Variants in SAMMSON observed in about 807,000 individuals in gnomAD.
SAMMSON encodes the protein long intergenic non-protein coding RNA 1212.
intron 2 of SAMMSON, among the ~76,000 whole-genome samples, chr3:70,428,484 A>T (rs1701389387): frequency 6.6e-6 from 1 of 152,234 alleles, no homozygotes; most frequent in Non-Finnish European, 1.5e-5. Flanking sequence ...CAGTGGGAAA[A>T]GTGCTTTGGC....
intron 2 of SAMMSON, among the ~76,000 whole-genome samples, chr3:70,404,352 A>G (rs940641667): frequency 6.6e-6 from 1 of 152,154 alleles, no homozygotes; most frequent in African/African-American, 2.4e-5. Context: ...CCTATATAAA[A>G]CATTAATGGA....
intron 9 of SAMMSON, among the ~76,000 whole-genome samples, chr3:70,372,212 C>T (rs1702976299): frequency 6.6e-6 from 1 of 151,974 alleles, no homozygotes; most frequent in Non-Finnish European, 1.5e-5. Context: ...GCTTTTTCTG[C>T]ATCAATTGAT....
At chr3:70,120,792 A>G (rs2067429546) in intron 4 of SAMMSON, 1 of 152,264 alleles carries the variant, frequency 6.6e-6, no homozygotes, top group African/African-American at 2.4e-5. Context: ...ATGATCATAT[A>G]GAGCAGTGAT....
At chr3:70,428,413 T>C (rs1035478125) in intron 2 of SAMMSON, among the ~76,000 whole-genome samples, 1 of 152,072 alleles carries the variant, frequency 6.6e-6, no homozygotes, top group Admixed American at 6.6e-5. Context: ...AATAATAAAG[T>C]CCACAAATAC....
intron 4 of SAMMSON, among the ~76,000 whole-genome samples, chr3:70,140,743 C>T (rs1040137764): frequency 6.6e-6 from 1 of 152,168 alleles, no homozygotes; most frequent in Non-Finnish European, 1.5e-5. Context: ...CCACAAAACA[C>T]TAGAACATGA....
intron 4 of SAMMSON, among the ~76,000 whole-genome samples, chr3:70,117,556 A>G (rs923904116): frequency 1.3e-5 from 2 of 152,196 alleles, no homozygotes; most frequent in Non-Finnish European, 2.9e-5. Flanking sequence ...TTATACAGAG[A>G]TATTTATAGA....
intron 6 of SAMMSON, among the ~76,000 whole-genome samples, chr3:70,279,643 G>A (rs1575613915): frequency 6.6e-6 from 1 of 152,258 alleles, no homozygotes; most frequent in South Asian, 2.1e-4. Context: ...TACATGCTGA[G>A]TCCTATTTGC....
intron 7 of SAMMSON, among the ~76,000 whole-genome samples, chr3:70,330,453 A>G (rs900814101): frequency 6.6e-6 from 1 of 152,056 alleles, no homozygotes; most frequent in Non-Finnish European, 1.5e-5. Flanking sequence ...GTCTTTATAT[A>G]ATACCACTTA....
chr3:70,255,258 C>T (rs1015927076), intron 6 of SAMMSON, among the ~76,000 whole-genome samples: 1 of 152,092 alleles, frequency 6.6e-6, no homozygotes, highest in Admixed American at 6.6e-5. Flanking sequence ...ACCAATGACA[C>T]ATAAATTTTT....
chr3:70,013,116 A>G (rs2066965338), intron 2 of SAMMSON, among the ~76,000 whole-genome samples: 1 of 152,114 alleles, frequency 6.6e-6, no homozygotes, highest in African/African-American at 2.4e-5. Flanking sequence ...TATTTAGGTA[A>G]AACACTTGAA....
intron 3 of SAMMSON, among the ~76,000 whole-genome samples, chr3:70,034,306 G>C (rs2067077380): frequency 6.6e-6 from 1 of 152,134 alleles, no homozygotes; most frequent in Non-Finnish European, 1.5e-5. Flanking sequence ...AAGTTTGACT[G>C]TCTATAGATT....
Position 70,179,602 on chromosome 3 carries a change from T to A in SAMMSON, n.508-69505T>A, listed in dbSNP as rs969439581. ...TGCTGAAAGCCAGTAAGTTTCTTTA[T>A]GGCAGAGGTGGGTCTTAACACTAGG... On this transcript the variant is annotated intron_variant and non_coding_transcript_variant, in intron 4 of 9. Coordinates refer to ENST00000642114, the Ensembl canonical transcript of SAMMSON. 3.9e-5 allele frequency among the ~76,000 whole-genome samples: 6 copies of A among 152,214 alleles called. No homozygotes were observed. The South Asian group carries it at 1.2e-3, about 31-fold the overall frequency.
chr3:70,332,217 G>A (rs762976934), intron 7 of SAMMSON, among the ~76,000 whole-genome samples: 1 of 152,176 alleles, frequency 6.6e-6, no homozygotes, highest in Non-Finnish European at 1.5e-5. Context: ...AGGGACATGA[G>A]GACTATTACC....
At chr3:70,144,008 A>G (rs1334564896) in intron 4 of SAMMSON, among the ~76,000 whole-genome samples, 1 of 152,204 alleles carries the variant, frequency 6.6e-6, no homozygotes, top group Non-Finnish European at 1.5e-5. Context: ...TTGGATTCCT[A>G]TCAAAGTACA....
At chr3:70,129,181 G>T (rs1018470884) in intron 4 of SAMMSON, among the ~76,000 whole-genome samples, 21 of 152,092 alleles carry the variant, frequency 1.4e-4, no homozygotes, top group African/African-American at 4.6e-4. Context: ...TTTTGTAACT[G>T]ATAAGCTTTC....
At chr3:70,047,152 G>T in intron 3 of SAMMSON, among the ~76,000 whole-genome samples, 1 of 152,024 alleles carries the variant, frequency 6.6e-6, no homozygotes, top group East Asian at 1.9e-4. Flanking sequence ...TTTTTTAGTT[G>T]ATGCCTCTTT....
At chr3:70,347,362 C>G (rs993365972) in intron 7 of SAMMSON, among the ~76,000 whole-genome samples, 3 of 152,186 alleles carry the variant, frequency 2.0e-5, no homozygotes, top group Admixed American at 6.5e-5. Flanking sequence ...AATAAACAAA[C>G]TTGGCTCTTG....
intron 8 of SAMMSON, among the ~76,000 whole-genome samples, chr3:70,357,880 T>C (rs929046198): frequency 6.6e-6 from 1 of 152,182 alleles, no homozygotes; most frequent in Non-Finnish European, 1.5e-5. Context: ...GGATATGATT[T>C]TTCCTGCCTA....
intron 6 of SAMMSON, among the ~76,000 whole-genome samples, chr3:70,268,579 G>A (rs1701946123): frequency 6.6e-6 from 1 of 151,940 alleles, no homozygotes; most frequent in Non-Finnish European, 1.5e-5. Flanking sequence ...TCACATTCGG[G>A]TTCACTCTGG....
Sources: gnomAD v4.1 joint callset for allele counts (sites outside exome capture counted in the v4.1 genomes callset) on GRCh38, gnomAD v4.1.1 for gene constraint, MANE v1.5 for transcripts, NCBI Gene and HGNC (gene_info 2026-07-23, HGNC 2026-07-21) for gene names.